TBC1D16: variants seen among roughly 807,000 people sequenced by gnomAD.
TBC1D16 encodes the protein CTD-2529O21.1.
In TBC1D16, 58 loss-of-function variants were observed where a neutral mutation model predicts 74.7. The ratio of observed to expected loss-of-function variants is 0.78; its 90% CI spans 0.63 to 0.97. TBC1D16 has a LOEUF of 0.97. TBC1D16 is among the 50% of genes least tolerant of loss of function. The pLI is 0.00. For missense variants in TBC1D16, 1,014 were observed against 1,079.5 expected, an observed-to-expected ratio of 0.94 and a Z score of 0.85; for synonymous variants, 493 against 474.7, an observed-to-expected ratio of 1.04 and a Z score of -0.50.
intron 1 of TBC1D16, among the ~76,000 whole-genome samples, chr17:80,017,903 CAG>C (rs1317142043): frequency 1.3e-5 from 2 of 152,274 alleles, no homozygotes; most frequent in East Asian, 1.9e-4. Flanking sequence ...TCATCCCACA[CAG>C]GGGCATATGA....
Position 79,948,294 on chromosome 17 carries a change from C to CA in TBC1D16, c.1542-464dup, listed in dbSNP as rs370121000. On this transcript the variant is annotated intron_variant, in intron 8 of 11. Transcript: ENST00000310924. ...CACCACTGCACTCCAGTCTGGATGA[C>CA]AGAGCGAGACTCCGTCTCAAAAAAA... is the stretch of plus-strand genomic sequence containing the variant. Among the ~76,000 whole-genome samples the CA allele has an allele frequency of 2.4e-4, 33 of 135,406 alleles. No individual in the cohort carries two copies. The East Asian group carries it at 6.6e-3, about 27-fold the overall frequency. 88.8% of individuals were successfully genotyped at this position (135,406 alleles called of 152,430 possible).
intron 1 of TBC1D16, among the ~76,000 whole-genome samples, chr17:80,020,132 C>T (rs2036234566): frequency 6.7e-6 from 1 of 149,622 alleles, no homozygotes; most frequent in African/African-American, 2.6e-5. Context: ...GCAGCCCCTC[C>T]CTCACAGCCT....
intron 3 of TBC1D16, among the ~76,000 whole-genome samples, chr17:79,964,679 TACC>T (rs1568594324): frequency 6.6e-6 from 1 of 152,142 alleles, no homozygotes; most frequent in African/African-American, 2.4e-5. Context: ...TTGTAAAAAA[TACC>T]ACCAATATTC....
intron 8 of TBC1D16, 33 bp downstream of exon 8, chr17:79,948,839 A>G (rs1319280675): frequency 6.2e-7 from 1 of 1,613,500 alleles, no homozygotes; most frequent in South Asian, 1.1e-5. Context: ...GCAGACTTGC[A>G]GATGGGAAAG....
Position 80,010,570 on chromosome 17 carries a change from G to A in TBC1D16, c.369C>T (p.His123=), listed in dbSNP as rs1397073473. The part of the protein sequence containing the change: ...GRRTRSSGAS[H]QPSPTELRPT... ...GCCGCAGCTCCGTCGGGGAGGGCTG[G>A]TGGGAGGCTCCTGAGCTCCGGGTGC... The change falls in exon 3 of 12, where the codon CAC becomes CAT. Residue 123 remains histidine, a synonymous_variant. Coordinates refer to ENST00000310924, the MANE Select transcript of TBC1D16 (RefSeq NM_019020.4). This position sits in a 1 kb window ranked among gnomAD's most constrained non-coding sequence, Gnocchi z 8.8. 1 of 1,601,932 alleles carries A rather than the reference G, an allele frequency of 6.2e-7. No homozygotes were observed. Among genetic ancestry groups the A allele is most frequent in the African/African-American group, 1.3e-5 (1 of 74,422 alleles).
Position 79,954,958 on chromosome 17 carries a change from T to C in TBC1D16, c.780-2140A>G, listed in dbSNP as rs1598344178. Among the ~76,000 whole-genome samples the C allele has an allele frequency of 6.6e-6, 1 of 151,848 alleles. No individual in the cohort carries two copies. The highest frequency in any genetic ancestry group is 2.1e-4 in the South Asian group (1 of 4,816). On this transcript the variant is annotated intron_variant, in intron 3 of 11. Coordinates refer to ENST00000310924, the MANE Select transcript of TBC1D16 (RefSeq NM_019020.4). This position sits in a 1 kb window ranked among gnomAD's most constrained non-coding sequence, Gnocchi z 5.5. Reference sequence around the variant, plus strand: ...AGAGACTCGCTTTGGCAGTCACGGATGGAGGGCCCCCTCCCTGCTGCCGTG... The same window carrying C: ...AGAGACTCGCTTTGGCAGTCACGGACGGAGGGCCCCCTCCCTGCTGCCGTG...
rs930000078 is a variant in TBC1D16 at position 79,941,575 on chromosome 17, T to C, written c.2056-468A>G. On this transcript the variant is annotated intron_variant, in intron 11 of 11. Coordinates refer to ENST00000310924, the MANE Select transcript of TBC1D16 (RefSeq NM_019020.4). The surrounding 1 kb of genome is among the most constrained non-coding windows in gnomAD (Gnocchi z 4.3). ...CACCGACCTCGGGACCCCCGCTCAG[T>C]GCCCTGAGGACCACCAGAGAGCTAA... Among the ~76,000 whole-genome samples, 2 of 152,044 alleles carry C rather than the reference T, an allele frequency of 1.3e-5. No individual in the cohort carries two copies. The highest frequency in any genetic ancestry group is 2.9e-5 in the Non-Finnish European group (2 of 67,994).
Position 79,986,853 on chromosome 17 carries a change from C to T in TBC1D16, c.779+23307G>A, listed in dbSNP as rs144078695. On this transcript the variant is annotated intron_variant, in intron 3 of 11. Transcript: ENST00000310924. The surrounding 1 kb of genome is among the most constrained non-coding windows in gnomAD (Gnocchi z 6.0). Reference sequence around the variant, plus strand: ...GTGAACGAGAAGCCTGAGGCCGGGCCGGTGGGAGGGCGTGATGCATGGGAG... The same window carrying T: ...GTGAACGAGAAGCCTGAGGCCGGGCTGGTGGGAGGGCGTGATGCATGGGAG... Among the ~76,000 whole-genome samples the T allele has an allele frequency of 2.3e-4, 35 of 152,330 alleles. No homozygotes were observed. The highest frequency in any genetic ancestry group is 8.4e-4 in the African/African-American group (35 of 41,586).
chr17:80,024,544 T>TATACACACACGCC (rs2036453094), intron 1 of TBC1D16, among the ~76,000 whole-genome samples: 1 of 118,460 alleles, frequency 8.4e-6, no homozygotes. Flanking sequence ...CCACACACCA[T>TATACACACACGCC]ATACACACAC....
Position 79,944,962 on chromosome 17 carries a change from C to T in TBC1D16, c.1854G>A (p.Glu618=). The part of the protein sequence containing the change: ...HRWLLLCFKR[E]FPEAEALRIW... ...TCCGCAGCGCTTCGGCCTCGGGGAA[C>T]TCCCGCTTGAAGCACAGAAGGAGCC... Residue 618 remains glutamate, a synonymous_variant, in exon 10 of 12, where the codon GAG becomes GAA. Transcript: ENST00000310924. The surrounding 1 kb of genome is among the most constrained non-coding windows in gnomAD (Gnocchi z 7.7). The T allele has an allele frequency of 6.4e-7, 1 of 1,558,008 alleles. No individual in the cohort carries two copies. Among genetic ancestry groups the T allele is most frequent in the South Asian group, 1.2e-5 (1 of 84,480 alleles).
chr17:79,951,394 C>A, intron 5 of TBC1D16, 56 bp downstream of exon 5: 1 of 1,584,690 alleles, frequency 6.3e-7, no homozygotes, highest in Non-Finnish European at 8.6e-7. Flanking sequence ...AGATGGGGCC[C>A]GTGGGGGGTG....
At chr17:80,024,459 C>CATCATAGACACACACACTACACAT (rs2036433489) in intron 1 of TBC1D16, among the ~76,000 whole-genome samples, 3 of 8,748 alleles carry the variant, frequency 3.4e-4, no homozygotes, top group African/African-American at 4.5e-4. Flanking sequence ...ACCACACACA[C>CATCATAGACACACACACTACACAT]CATAGACACA....
In TBC1D16 at chr17:80,013,388, C is replaced by T. The variant is rs1195971966; in HGVS notation, c.160G>A (p.Gly54Arg). The T allele has an allele frequency of 2.5e-6, 4 of 1,607,888 alleles. No homozygotes were observed. The highest frequency in any genetic ancestry group is 3.4e-6 in the Non-Finnish European group (4 of 1,177,688). ...VCVHPPEGLQ[G>R]LGEHHPGYLC... ...TCACCTGGGTGGTGCTCCCCCAGCC[C>T]CTGCAGCCCCTCCGGCGGGTGCACG... The change falls in exon 2 of 12, where the codon GGG (glycine) becomes AGG (arginine). Residue 54 changes from glycine to arginine, a missense_variant. Physicochemically the swap from Gly to Arg is moderately radical, Grantham distance 125. Transcript: ENST00000310924.
Position 79,941,212 on chromosome 17 carries a change from C to T in TBC1D16, c.2056-105G>A. The T allele has an allele frequency of 2.6e-6, 3 of 1,157,662 alleles. No individual in the cohort carries two copies. The highest frequency in any genetic ancestry group is 3.0e-4 in the Middle Eastern group (1 of 3,388). The allele number at this position is 1,157,662 out of a possible 1,614,324, so 71.7% of individuals were successfully genotyped here. ...CAGCAACAGCAGCAACAACGGCCTG[C>T]ACCTCGGGGGCTCACCGAGTCCTGG... On this transcript the variant is annotated intron_variant, in intron 11 of 11. Coordinates refer to ENST00000310924, the MANE Select transcript of TBC1D16 (RefSeq NM_019020.4). This position sits in a 1 kb window ranked among gnomAD's most constrained non-coding sequence, Gnocchi z 4.3.
At position 79,979,557 on chromosome 17, in the gene TBC1D16, C is replaced by T. The variant is rs3934513; in HGVS notation, c.780-26739G>A. Among the ~76,000 whole-genome samples, 110,934 of 151,882 alleles carry T rather than the reference C, an allele frequency of 0.73. 40,978 individuals carry two copies. The highest frequency in any genetic ancestry group is 0.81 in the Middle Eastern group (237 of 292). The stretch of plus-strand genomic sequence containing the variant: ...CAGGACCAAACAGTCAATTAGTATC[C>T]AAATACTTTTAGGGGACAGAAAGAC... On this transcript the variant is annotated intron_variant, in intron 3 of 11. Coordinates refer to ENST00000310924, the MANE Select transcript of TBC1D16 (RefSeq NM_019020.4). The surrounding 1 kb of genome is among the most constrained non-coding windows in gnomAD (Gnocchi z 4.8).
chr17:79,945,398 C>T (rs2032440908), intron 9 of TBC1D16, among the ~76,000 whole-genome samples: 1 of 152,192 alleles, frequency 6.6e-6, no homozygotes, highest in East Asian at 1.9e-4. Context: ...GGAAGGCTCC[C>T]CACCCTCAGT....
At chr17:80,033,044 C>G (rs2036828566) in intron 1 of TBC1D16, among the ~76,000 whole-genome samples, 2 of 152,212 alleles carry the variant, frequency 1.3e-5, no homozygotes, top group Admixed American at 1.3e-4. Flanking sequence ...AATCCTACAT[C>G]TGCCTGGAAT....
At chr17:79,976,607 C>A (rs1263167342) in intron 3 of TBC1D16, among the ~76,000 whole-genome samples, 1 of 152,170 alleles carries the variant, frequency 6.6e-6, no homozygotes, top group Non-Finnish European at 1.5e-5. Flanking sequence ...TGGTGAATGT[C>A]CAGAGATCCA....
rs943679635 is a variant in TBC1D16 at position 80,009,932 on chromosome 17, C to G, written c.779+228G>C. The stretch of plus-strand genomic sequence containing the variant: ...AAGGAGAGAGAAGAATGTGGACACC[C>G]CGACGCACCCTTCACAGTCCTCTCA... On this transcript the variant is annotated intron_variant, in intron 3 of 11. Coordinates refer to ENST00000310924, the MANE Select transcript of TBC1D16 (RefSeq NM_019020.4). The surrounding 1 kb of genome is among the most constrained non-coding windows in gnomAD (Gnocchi z 5.4). Among the ~76,000 whole-genome samples, 1 of 152,172 alleles carries G rather than the reference C, an allele frequency of 6.6e-6. No individual in the cohort carries two copies. Among genetic ancestry groups the G allele is most frequent in the Non-Finnish European group, 1.5e-5 (1 of 68,028 alleles).
Sources: allele counts gnomAD v4.1 joint callset (sites outside exome capture counted in the v4.1 genomes callset), GRCh38; gene constraint gnomAD v4.1.1; non-coding constraint Gnocchi (gnomAD v3.1); transcripts MANE v1.5; gene names NCBI Gene and HGNC (gene_info 2026-07-23, HGNC 2026-07-21).